The following GALNT13 variants were observed in gnomAD, a reference collection of about 807,000 sequenced individuals.
The protein encoded by GALNT13 is UDP-GalNAc:polypeptide N-acetylgalactosaminyltransferase 13.
Under a neutral mutation model 64.2 loss-of-function variants are expected in GALNT13, and 28 were observed. The ratio of observed to expected loss-of-function variants is 0.44; its 90% confidence interval spans 0.32 to 0.60. GALNT13 has a LOEUF of 0.60. Among genes scored for constraint, GALNT13 ranks in the 20% least tolerant of loss-of-function variants. The pLI, the probability that GALNT13 is intolerant of heterozygous loss-of-function variation, is 0.05. For synonymous variants in GALNT13, 214 were observed against 224.6 expected (o/e 0.95, Z 0.42); for missense variants, 577 against 669.8 (o/e 0.86, Z 1.53).
intron 3 of GALNT13, among the ~76,000 whole-genome samples, chr2:154,091,517 G>C (rs1405966390): frequency 6.6e-6 from 1 of 150,792 alleles, no homozygotes; most frequent in Non-Finnish European, 1.5e-5. Context: ...TTAAAAGGAT[G>C]AGTTATTACC....
the GALNT13 span, among the ~76,000 whole-genome samples, chr2:153,259,515 A>G: frequency 6.6e-6 from 1 of 152,160 alleles, no homozygotes; most frequent in African/African-American, 2.4e-5. Flanking sequence ...AGTAGCTCCC[A>G]TAATCCCCAT....
chr2:153,077,137 A>G, the GALNT13 span, among the ~76,000 whole-genome samples: 1 of 151,976 alleles, frequency 6.6e-6, no homozygotes, highest in Non-Finnish European at 1.5e-5. Context: ...TTTTTAGTAG[A>G]GAAGGGGTTT....
chr2:154,401,220 C>G (rs576657027), intron 10 of GALNT13, among the ~76,000 whole-genome samples: 9 of 152,066 alleles, frequency 5.9e-5, no homozygotes, highest in Non-Finnish European at 1.2e-4. Context: ...GGAAAATAGA[C>G]ATCCATGAAG....
the GALNT13 span, among the ~76,000 whole-genome samples, chr2:153,293,305 A>G: frequency 1.3e-5 from 2 of 152,120 alleles, no homozygotes; most frequent in Non-Finnish European, 2.9e-5. Context: ...ATACAAGCCC[A>G]CCTGGATTGG....
the GALNT13 span, among the ~76,000 whole-genome samples, chr2:153,757,012 G>C: frequency 6.6e-6 from 1 of 151,852 alleles, no homozygotes; most frequent in Non-Finnish European, 1.5e-5. Flanking sequence ...GTTAGCTATT[G>C]ACAAATTATA....
At chr2:153,270,190 TG>T in the GALNT13 span, among the ~76,000 whole-genome samples, 1 of 152,308 alleles carries the variant, frequency 6.6e-6, no homozygotes, top group Non-Finnish European at 1.5e-5. Context: ...CTTCTTTCAC[TG>T]GGTTTCCAAA....
At chr2:153,775,478 G>A in the GALNT13 span, among the ~76,000 whole-genome samples, 1 of 152,046 alleles carries the variant, frequency 6.6e-6, no homozygotes, top group South Asian at 2.1e-4. Context: ...TTTCTATTGA[G>A]GGCAAAATCC....
the GALNT13 span, among the ~76,000 whole-genome samples, chr2:153,163,796 G>A: frequency 2.6e-5 from 4 of 152,104 alleles, no homozygotes; most frequent in African/African-American, 9.7e-5. Flanking sequence ...AAGGCGGGCG[G>A]ATCACGAGGT....
chr2:153,287,792 C>T, the GALNT13 span, among the ~76,000 whole-genome samples: 1 of 152,170 alleles, frequency 6.6e-6, no homozygotes, highest in Non-Finnish European at 1.5e-5. Flanking sequence ...TCTGTAAGCA[C>T]AGGATGGGGG....
At chr2:154,068,083 T>G (rs1186093059) in intron 3 of GALNT13, among the ~76,000 whole-genome samples, 1 of 152,020 alleles carries the variant, frequency 6.6e-6, no homozygotes, top group Non-Finnish European at 1.5e-5. Flanking sequence ...AAAGAAGACA[T>G]ACAAATGGCA....
At chr2:153,625,442 A>G in the GALNT13 span, among the ~76,000 whole-genome samples, 4 of 152,170 alleles carry the variant, frequency 2.6e-5, no homozygotes, top group Admixed American at 6.6e-5. Flanking sequence ...AGTTTAAGAT[A>G]TCAGTAAGTC....
rs531494909 is a variant in GALNT13, at chr2:154,434,360, C to T, written c.1396-4232C>T. On this transcript the variant is annotated intron_variant, in intron 11 of 12. Transcript: ENST00000392825. ...CTGCAAATTCCGCCTCCCGGGCTCA[C>T]GCCATTCTCCTGCCTCAGCCTCCAG... 3.3e-5 allele frequency among the ~76,000 whole-genome samples: 5 copies of T among 152,218 alleles called. No individual in the cohort carries two copies. The East Asian group carries it at 7.8e-4, about 24-fold the overall frequency.
At chr2:154,230,320 G>C (rs1251806650) in intron 4 of GALNT13, among the ~76,000 whole-genome samples, 3 of 152,138 alleles carry the variant, frequency 2.0e-5, no homozygotes, top group East Asian at 3.9e-4. Context: ...GTTATCACAG[G>C]CAATAAACTT....
chr2:153,757,285 C>A, the GALNT13 span, among the ~76,000 whole-genome samples: 1 of 152,104 alleles, frequency 6.6e-6, no homozygotes, highest in African/African-American at 2.4e-5. Context: ...CTTTCTATAG[C>A]TGGCTTATTT....
intron 3 of GALNT13, among the ~76,000 whole-genome samples, chr2:154,036,314 G>A (rs1698656773): frequency 1.3e-5 from 2 of 151,982 alleles, no homozygotes; most frequent in Non-Finnish European, 2.9e-5. Flanking sequence ...TATTCTAATT[G>A]CCTAGAACGT....
At chr2:154,195,308 C>T (rs1686818946) in intron 4 of GALNT13, among the ~76,000 whole-genome samples, 1 of 152,158 alleles carries the variant, frequency 6.6e-6, no homozygotes, top group African/African-American at 2.4e-5. Flanking sequence ...CTTTTCTTAG[C>T]ATTTCAAGTT....
chr2:153,695,325 A>T, the GALNT13 span, among the ~76,000 whole-genome samples: 1 of 152,276 alleles, frequency 6.6e-6, no homozygotes, highest in East Asian at 1.9e-4. Context: ...AATGGTGGGA[A>T]CCCTCTCAAA....
At chr2:153,102,851 G>A in the GALNT13 span, among the ~76,000 whole-genome samples, 1 of 152,116 alleles carries the variant, frequency 6.6e-6, no homozygotes, top group Non-Finnish European at 1.5e-5. Flanking sequence ...TACCAATATT[G>A]TCATGGCAGT....
chr2:153,420,417 G>A, the GALNT13 span, among the ~76,000 whole-genome samples: 1 of 152,116 alleles, frequency 6.6e-6, no homozygotes, highest in African/African-American at 2.4e-5. Flanking sequence ...TGCTTCTGCT[G>A]ATAATTCAAA....
Sources: allele counts gnomAD v4.1 joint callset (sites outside exome capture counted in the v4.1 genomes callset), GRCh38; gene constraint gnomAD v4.1.1; transcripts MANE v1.5; gene names NCBI Gene and HGNC (gene_info 2026-07-23, HGNC 2026-07-21).